The following RPL15 variants were observed in gnomAD, a reference collection of about 807,000 sequenced individuals.
RPL15 encodes the protein large ribosomal subunit protein eL15.
For missense variants in RPL15, 161 were observed against 271.8 expected (o/e 0.59, Z 2.87); for synonymous variants, 97 against 95.1 (o/e 1.02, Z -0.12).
downstream of RPL15, chr3:23,921,644 G>A (rs778320230): frequency 9.2e-6 from 6 of 649,850 alleles, no homozygotes; most frequent in South Asian, 3.1e-5. Context: ...GGGCAATCAC[G>A]GCTCACTGCA....
downstream of RPL15, chr3:23,921,732 G>A (rs1575124831): frequency 3.2e-6 from 2 of 625,632 alleles, no homozygotes; most frequent in Non-Finnish European, 5.6e-6. Flanking sequence ...ACACTGCCAT[G>A]CCCAGCTAAG....
At chr3:23,921,570 G>GTTTTTTTTT (rs71622703), downstream of RPL15, 19 of 508,926 alleles carry the variant, frequency 3.7e-5, no homozygotes, top group Non-Finnish European at 4.2e-5. Context: ...TGATTATTGA[G>GTTTTTTTTT]TTTTTTTTTT....
Position 23,920,171 on chromosome 3 carries a change from G to T in RPL15, c.*670G>T. Reference sequence around the variant, plus strand: ...GAAGCTGGTGAGCCAGTGGCCATTAGATAAATACCTTTCAAGTGTGAGCTT... The same window carrying T: ...GAAGCTGGTGAGCCAGTGGCCATTATATAAATACCTTTCAAGTGTGAGCTT... On this transcript the variant is annotated 3_prime_UTR_variant, in exon 4 of 4. Transcript: ENST00000307839. 1.0e-6 allele frequency: 1 copy of T among 985,836 alleles called. No individual in the cohort carries two copies. The highest frequency in any genetic ancestry group is 1.2e-6 in the Non-Finnish European group (1 of 829,914). The allele number at this position is 985,836 out of a possible 1,614,324, so 61.1% of individuals were successfully genotyped here. A position where few individuals can be genotyped will look rare whatever the true frequency, so the allele number is the denominator to read the frequency against.
chr3:23,918,942 T>C (rs907442204), intron 3 of RPL15: 1 of 544,580 alleles, frequency 1.8e-6, no homozygotes, highest in Non-Finnish European at 3.2e-6. Flanking sequence ...TACCCAGATA[T>C]TAACATATTC....
chr3:23,924,579 T>C (rs1705178017), downstream of RPL15, among the ~76,000 whole-genome samples: 1 of 152,086 alleles, frequency 6.6e-6, no homozygotes, highest in Admixed American at 6.6e-5. Context: ...TTTGTACTTT[T>C]AGTAGAGGCG....
In RPL15 at chr3:23,920,557, G is replaced by T. The variant is rs1705022080; in HGVS notation, c.*1056G>T. ...TCTTCCAGGAGACTAGACTACTGTTGTCCAGGGTCAATTTGAGTGTAAAGA... is the reference window on the plus strand; with the variant it reads ...TCTTCCAGGAGACTAGACTACTGTTTTCCAGGGTCAATTTGAGTGTAAAGA... On this transcript the variant is annotated 3_prime_UTR_variant, in exon 4 of 4. Transcript: ENST00000307839. 3.0e-6 allele frequency: 3 copies of T among 985,188 alleles called. No homozygotes were observed. The highest frequency in any genetic ancestry group is 9.4e-5 in the South Asian group (2 of 21,292). The allele number at this position is 985,188 out of a possible 1,614,324, so 61.0% of individuals were successfully genotyped here.
chr3:23,920,765 A>G lies in RPL15; in HGVS notation c.*1264A>G. ...TTGAGACCTAAATTTCTTCACAAAAAAAGAAAAGATCTTAAGTCATACATT... is the reference window on the plus strand; with the variant it reads ...TTGAGACCTAAATTTCTTCACAAAAGAAGAAAAGATCTTAAGTCATACATT... On this transcript the variant is annotated 3_prime_UTR_variant, in exon 4 of 4. Coordinates refer to ENST00000307839, the MANE Select transcript of RPL15 (RefSeq NM_002948.5). The G allele has an allele frequency of 1.0e-6, 1 of 971,244 alleles. No homozygotes were observed. The highest frequency in any genetic ancestry group is 1.2e-6 in the Non-Finnish European group (1 of 816,974). The allele number at this position is 971,244 out of a possible 1,614,324, so 60.2% of individuals were successfully genotyped here.
At chr3:23,918,791 C>G in intron 3 of RPL15, 1 of 610,278 alleles carries the variant, frequency 1.6e-6, no homozygotes. Flanking sequence ...GGAACCTAAG[C>G]TTTAAAGCGG....
downstream of RPL15, chr3:23,921,830 C>T (rs889879930): frequency 5.5e-6 from 3 of 549,528 alleles, no homozygotes; most frequent in South Asian, 6.9e-5. Context: ...CTGCCTTGGC[C>T]TCCCAAAGTG....
intron 3 of RPL15, chr3:23,918,920 CCTA>C: frequency 1.9e-6 from 1 of 523,640 alleles, no homozygotes; most frequent in Non-Finnish European, 3.3e-6. Flanking sequence ...GTCCCCAAAC[CCTA>C]AATTTTGTTA....
downstream of RPL15, chr3:23,921,795 G>A (rs968038264): frequency 1.1e-4 from 64 of 572,090 alleles, no homozygotes; most frequent in African/African-American, 6.6e-4. Context: ...GGCTGGTCTC[G>A]AACTCCTGAC....
rs1267138629 is a variant in RPL15, at chr3:23,920,919, C to T, written c.*1418C>T. The T allele has an allele frequency of 1.3e-5, 3 of 228,766 alleles. No homozygotes were observed. Among genetic ancestry groups the T allele is most frequent in the Non-Finnish European group, 2.2e-5 (3 of 138,176 alleles). The allele number at this position is 228,766 out of a possible 1,614,324, so 14.2% of individuals were successfully genotyped here. ...AAAGCAAACCAAATGCCCTAACCAG[C>T]AAAAAGGCATCAAAATGTGATTATA... On this transcript the variant is annotated 3_prime_UTR_variant, in exon 4 of 4. Coordinates refer to ENST00000307839, the MANE Select transcript of RPL15 (RefSeq NM_002948.5).
At position 23,919,503 on chromosome 3, in the gene RPL15, A is replaced by G. The variant is rs1704950642; in HGVS notation, c.*2A>G. ...CTCCAGCTCCACCGTTACCGCTAAT[A>G]TAAGTAAAGTTTGTAAAATTCATAC... On this transcript the variant is annotated 3_prime_UTR_variant, in exon 4 of 4. Transcript: ENST00000307839. 1 of 1,559,546 alleles carries G rather than the reference A, an allele frequency of 6.4e-7. No individual in the cohort carries two copies. The highest frequency in any genetic ancestry group is 8.6e-7 in the Non-Finnish European group (1 of 1,158,022).
upstream of RPL15, chr3:23,916,739 C>CGCGGAGAT (rs1704551540): frequency 6.6e-6 from 1 of 152,616 alleles, no homozygotes; most frequent in Non-Finnish European, 1.5e-5. Flanking sequence ...GACGCGGAGA[C>CGCGGAGAT]GCAGAGACTC....
At chr3:23,916,685 T>C (rs930961044), upstream of RPL15, 1 of 152,558 alleles carries the variant, frequency 6.6e-6, no homozygotes, top group African/African-American at 2.4e-5. Flanking sequence ...CCCAGATTTC[T>C]GCGCCCGTCG....
In RPL15 at chr3:23,918,522, C is replaced by T; in HGVS notation, c.255C>T (p.Val85=). The change falls in exon 3 of 4, where the codon GTC becomes GTT. Residue 85 remains valine, a synonymous_variant. Transcript: ENST00000307839. ...VPKGATYGKP[V]HHGVNQLKFA... Reference sequence around the variant, plus strand: ...AGGGTGCAACTTACGGCAAGCCTGTCCATCATGGTGTTAACCAGCTAAAGT... The same window carrying T: ...AGGGTGCAACTTACGGCAAGCCTGTTCATCATGGTGTTAACCAGCTAAAGT... 6.2e-7 allele frequency: 1 copy of T among 1,613,980 alleles called. No individual in the cohort carries two copies. Among genetic ancestry groups the T allele is most frequent in the Non-Finnish European group, 8.5e-7 (1 of 1,179,908 alleles).
chr3:23,920,570 T>C lies in RPL15; in HGVS notation c.*1069T>C, dbSNP rs868173537. The stretch of plus-strand genomic sequence containing the variant: ...TAGACTACTGTTGTCCAGGGTCAAT[T>C]TGAGTGTAAAGAAAATGTAGACAAG... On this transcript the variant is annotated 3_prime_UTR_variant, in exon 4 of 4. Transcript: ENST00000307839. 9 of 985,254 alleles carry C rather than the reference T, an allele frequency of 9.1e-6. No individual in the cohort carries two copies. Among genetic ancestry groups the C allele is most frequent in the African/African-American group, 1.7e-5 (1 of 57,220 alleles). 61.0% of individuals were successfully genotyped at this position (985,254 alleles called of 1,614,324 possible). A position where few individuals can be genotyped will look rare whatever the true frequency, so the allele number is the denominator to read the frequency against.
chr3:23,923,780 A>T (rs1211330037), downstream of RPL15: 1 of 152,208 alleles, frequency 6.6e-6, no homozygotes, highest in Non-Finnish European at 1.5e-5. Context: ...AATTTTCACT[A>T]CCACCAGCAA....
chr3:23,923,685 TTAGAAG>T (rs1705155953), downstream of RPL15: 2 of 152,230 alleles, frequency 1.3e-5, no homozygotes, highest in African/African-American at 2.4e-5. Flanking sequence ...GAATAAATTC[TTAGAAG>T]TAGAATGGCA....
Sources: gnomAD v4.1 joint callset for allele counts (sites outside exome capture counted in the v4.1 genomes callset) on GRCh38, gnomAD v4.1.1 for gene constraint, MANE v1.5 for transcripts, NCBI Gene and HGNC (gene_info 2026-07-23, HGNC 2026-07-21) for gene names.